MORN3: variants seen among roughly 807,000 people sequenced by gnomAD.
MORN3 encodes MORN repeat containing 3.
Under a neutral mutation model 34.7 loss-of-function variants are expected in MORN3, and 38 were observed. The ratio of observed to expected loss-of-function variants is 1.10; its 90% confidence interval spans 0.85 to 1.44. MORN3 has a LOEUF of 1.44. MORN3 is among the 40% of genes most tolerant of loss of function. The probability of loss-of-function intolerance (pLI) is 0.00; values close to 1 mark genes in which losing one functional copy is unlikely to be tolerated. For missense variants in MORN3, 311 were observed against 321.7 expected (o/e 0.97, Z 0.25); for synonymous variants, 109 against 115.3 (o/e 0.95, Z 0.35).
At chr12:121,669,693 C>A (rs1893889554), upstream of MORN3, 3 of 545,950 alleles carry the variant, frequency 5.5e-6, no homozygotes, top group Admixed American at 9.9e-5. Context: ...TCCTGGGGCC[C>A]CCTCCCAGGG....
chr12:121,653,100 T>G lies in MORN3; in HGVS notation c.623A>C (p.Glu208Ala). ...MIDFGRDEAPEPTQFPIPEVK... is the reference protein window; with the variant it reads ...MIDFGRDEAPAPTQFPIPEVK... The stretch of plus-strand genomic sequence containing the variant: ...CTCAGGAATGGGGAACTGAGTGGGC[T>G]CAGGGGCCTCGTCACGGCCAAAGTC... Residue 208 changes from glutamate to alanine, a missense_variant, in exon 4 of 6, where the codon GAG becomes GCG. Physicochemically the swap from Glu to Ala is moderately radical, Grantham distance 107. Coordinates refer to ENST00000355329, the MANE Select transcript of MORN3 (RefSeq NM_173855.5). The G allele has an allele frequency of 1.2e-6, 2 of 1,613,304 alleles. No individual in the cohort carries two copies. Among genetic ancestry groups the G allele is most frequent in the Non-Finnish European group, 1.7e-6 (2 of 1,179,720 alleles).
At chr12:121,656,464 C>T (rs1893419745) in intron 2 of MORN3, among the ~76,000 whole-genome samples, 1 of 152,050 alleles carries the variant, frequency 6.6e-6, no homozygotes, top group Admixed American at 6.6e-5. Flanking sequence ...GTTGGGACTA[C>T]AGATGTGCAC....
At chr12:121,667,378 C>T (rs182148340) in intron 1 of MORN3, among the ~76,000 whole-genome samples, 572 of 152,142 alleles carry the variant, frequency 3.8e-3, no homozygotes, top group Non-Finnish European at 5.4e-3. Context: ...CTCAGCCTCC[C>T]TAGTGGCTGG....
intron 1 of MORN3, among the ~76,000 whole-genome samples, chr12:121,663,712 A>G (rs2669174): frequency 0.24 from 36,242 of 152,072 alleles, 4,719 homozygotes; most frequent in African/African-American, 0.32. Flanking sequence ...CTTAGAGCCT[A>G]CAAGTAGGAA....
intron 1 of MORN3, among the ~76,000 whole-genome samples, chr12:121,659,758 G>C (rs1423506875): frequency 6.6e-6 from 1 of 151,830 alleles, no homozygotes; most frequent in Non-Finnish European, 1.5e-5. Flanking sequence ...TGAAACTCCT[G>C]ACCTCAAGTG....
Position 121,659,226 on chromosome 12 carries a change from C to G in MORN3, c.268G>C (p.Val90Leu). ...TCACCTTTCCACCAGCCTGAGTAGACTCTCCTGCACTTTCCTGTCTGTTGG... is the reference window on the plus strand; with the variant it reads ...TCACCTTTCCACCAGCCTGAGTAGAGTCTCCTGCACTTTCCTGTCTGTTGG... The part of the protein sequence containing the change: ...PDQQTGKCRR[V>L]YSGWWKGDKK... The change falls in exon 2 of 6, where the codon GTC becomes CTC. Residue 90 changes from valine to leucine, a missense_variant. Coordinates refer to ENST00000355329, the MANE Select transcript of MORN3 (RefSeq NM_173855.5). The G allele has an allele frequency of 6.2e-7, 1 of 1,614,030 alleles. No individual in the cohort carries two copies. The highest frequency in any genetic ancestry group is 1.1e-5 in the South Asian group (1 of 91,090).
intron 3 of MORN3, among the ~76,000 whole-genome samples, chr12:121,653,749 G>A (rs190976087): frequency 1.4e-3 from 211 of 151,920 alleles, no homozygotes; most frequent in African/African-American, 4.7e-3. Flanking sequence ...CTCATGATCC[G>A]CCCGCCTCTG....
chr12:121,663,365 A>C (rs1483969157), intron 1 of MORN3, among the ~76,000 whole-genome samples: 2 of 151,884 alleles, frequency 1.3e-5, no homozygotes, highest in Non-Finnish European at 2.9e-5. Flanking sequence ...CGTTTGGCTA[A>C]TTTTGTATTT....
intron 3 of MORN3, among the ~76,000 whole-genome samples, chr12:121,653,864 A>G (rs1341900985): frequency 6.6e-6 from 1 of 152,214 alleles, no homozygotes; most frequent in Admixed American, 6.6e-5. Flanking sequence ...TTTGAAGTGT[A>G]TAGTTCAGTG....
At chr12:121,663,885 C>T (rs1246353378) in intron 1 of MORN3, among the ~76,000 whole-genome samples, 2 of 151,862 alleles carry the variant, frequency 1.3e-5, no homozygotes, top group Non-Finnish European at 2.9e-5. Flanking sequence ...TTGCGTTTGT[C>T]CTGCCCCTCA....
intron 1 of MORN3, among the ~76,000 whole-genome samples, chr12:121,669,115 C>T (rs1329300076): frequency 1.3e-5 from 2 of 152,220 alleles, no homozygotes; most frequent in Non-Finnish European, 2.9e-5. Flanking sequence ...GACCCTCTGT[C>T]CACTGCTGGT....
chr12:121,661,190 C>T (rs1893571551), intron 1 of MORN3, among the ~76,000 whole-genome samples: 1 of 152,090 alleles, frequency 6.6e-6, no homozygotes, highest in African/African-American at 2.4e-5. Flanking sequence ...AACTACTGGG[C>T]TCAAGCAGTC....
intron 1 of MORN3, among the ~76,000 whole-genome samples, chr12:121,661,398 T>G (rs1893575828): frequency 6.6e-6 from 1 of 152,146 alleles, no homozygotes; most frequent in African/African-American, 2.4e-5. Context: ...TTAATACATA[T>G]TTAACAAAAC....
At chr12:121,654,166 G>T in intron 3 of MORN3, 108 bp downstream of exon 3, 1 of 885,734 alleles carries the variant, frequency 1.1e-6, no homozygotes, top group Non-Finnish European at 1.7e-6. Flanking sequence ...GTCAGTGTGG[G>T]ACAAGAGTGT....
upstream of MORN3, among the ~76,000 whole-genome samples, chr12:121,670,258 G>A (rs1225830625): frequency 6.6e-6 from 1 of 152,064 alleles, no homozygotes; most frequent in Non-Finnish European, 1.5e-5. Flanking sequence ...TCCAGGCAAA[G>A]AAAATAGGCA....
chr12:121,659,621 G>A (rs928018870), intron 1 of MORN3, among the ~76,000 whole-genome samples: 4 of 151,230 alleles, frequency 2.6e-5, no homozygotes, highest in Non-Finnish European at 5.9e-5. Context: ...TGCAACCTCT[G>A]CCTCCCGGGT....
intron 5 of MORN3, among the ~76,000 whole-genome samples, chr12:121,652,213 A>G (rs1025054029): frequency 1.3e-5 from 2 of 148,286 alleles, no homozygotes; most frequent in Non-Finnish European, 3.0e-5. Flanking sequence ...GGATTACAGG[A>G]TTATAGGATT....
chr12:121,653,251 TC>T lies in MORN3; in HGVS notation c.471del (p.Asn158ThrfsTer11), dbSNP rs1327146725. 1 of 1,613,858 alleles carries T rather than the reference TC, an allele frequency of 6.2e-7. No homozygotes were observed. Among genetic ancestry groups the T allele is most frequent in the Non-Finnish European group, 8.5e-7 (1 of 1,179,900 alleles). ...NGEGMLRLKNGNRYEGCWERG... is the reference protein window; with the variant it reads ...NGEGMLRLKNXNRYEGCWERG... ...CTCTCCCAGCAGCCCTCGTAGCGGTTCCCGTTCTCTGGGGGAAAGGACAGGG... is the reference window on the plus strand; with the variant it reads ...CTCTCCCAGCAGCCCTCGTAGCGGTTCCGTTCTCTGGGGGAAAGGACAGGG... On this transcript the variant is annotated frameshift_variant, in exon 4 of 6. Transcript: ENST00000355329. LOFTEE classifies it high-confidence loss of function.
At chr12:121,660,654 TTTTC>T (rs201299609) in intron 1 of MORN3, among the ~76,000 whole-genome samples, 6,625 of 142,070 alleles carry the variant, frequency 0.047, 431 homozygotes, top group African/African-American at 0.14. Context: ...CGGCCTTTTT[TTTTC>T]TTTCTTTCTT....
Sources: allele counts gnomAD v4.1 joint callset (sites outside exome capture counted in the v4.1 genomes callset), GRCh38; gene constraint gnomAD v4.1.1; transcripts MANE v1.5; gene names NCBI Gene and HGNC (gene_info 2026-07-23, HGNC 2026-07-21).